Variants in MYO1D observed in about 807,000 individuals in gnomAD.
MYO1D encodes myosin ID, also known as unconventional myosin-Id.
MYO1D carries 83 observed loss-of-function variants against 122.0 expected under a neutral mutation model. The observed-to-expected ratio is 0.68, with a 90% CI of 0.57 to 0.82. The LOEUF (loss-of-function observed/expected upper bound fraction) is 0.82. Ranked by LOEUF, MYO1D falls within the 40% of genes least tolerant of loss-of-function variation. MYO1D has a pLI of 0.00. For missense variants in MYO1D, 1,157 were observed against 1,269.5 expected (o/e 0.91, Z 1.35); for synonymous variants, 464 against 446.9 (o/e 1.04, Z -0.48).
chr17:32,659,415 C>T (rs1010507339), intron 16 of MYO1D, 77 bp from the exon 17 acceptor site: 6 of 1,437,706 alleles, frequency 4.2e-6, no homozygotes, highest in Non-Finnish European at 5.8e-6. Flanking sequence ...ATAGCAGCTC[C>T]TCTACTTACA....
intron 1 of MYO1D, among the ~76,000 whole-genome samples, chr17:32,832,570 T>C (rs2151067250): frequency 6.6e-6 from 1 of 152,262 alleles, no homozygotes; most frequent in Non-Finnish European, 1.5e-5. Flanking sequence ...AGTGCTGGGA[T>C]TACAGGTGTG....
At chr17:32,691,532 G>A (rs902072250) in intron 16 of MYO1D, among the ~76,000 whole-genome samples, 7 of 149,778 alleles carry the variant, frequency 4.7e-5, no homozygotes, top group Non-Finnish European at 8.9e-5. Context: ...TCAGCCTCCC[G>A]AGTTGCTGGG....
chr17:32,493,276 T>C lies in MYO1D; in HGVS notation c.*1483A>G, dbSNP rs536969482. The stretch of plus-strand genomic sequence containing the variant: ...TGTTGCAAACTGCACACAGTGCAAT[T>C]TTTGGGAAGCAGGGATGGGGAGTGG... On this transcript the variant is annotated 3_prime_UTR_variant, in exon 22 of 22. Transcript: ENST00000318217. 6.6e-6 allele frequency: 1 copy of C among 152,288 alleles called. No individual in the cohort carries two copies. Among genetic ancestry groups the C allele is most frequent in the East Asian group, 1.9e-4 (1 of 5,164 alleles). 9.4% of individuals were successfully genotyped at this position (152,288 alleles called of 1,614,324 possible).
At chr17:32,518,420 A>G (rs1567874356) in intron 21 of MYO1D, 1 of 152,266 alleles carries the variant, frequency 6.6e-6, no homozygotes, top group Non-Finnish European at 1.5e-5. Context: ...AATCTATCTT[A>G]TTTACTCTCG....
intron 16 of MYO1D, among the ~76,000 whole-genome samples, chr17:32,690,014 C>A (rs914633513): frequency 7.2e-5 from 11 of 152,296 alleles, no homozygotes; most frequent in Admixed American, 5.9e-4. Context: ...GCATAAGCTA[C>A]TGCGCCTGGC....
chr17:32,818,125 C>CAAAAAAAAAAAAAAA (rs58466009), intron 1 of MYO1D, among the ~76,000 whole-genome samples: 5 of 46,006 alleles, frequency 1.1e-4, no homozygotes, highest in Admixed American at 5.0e-4. Context: ...GACTCCGTCT[C>CAAAAAAAAAAAAAAA]AAAAAAAAAA....
chr17:32,783,463 A>G (rs982255533), intron 1 of MYO1D, among the ~76,000 whole-genome samples: 11 of 152,182 alleles, frequency 7.2e-5, no homozygotes, highest in Non-Finnish European at 1.6e-4. Flanking sequence ...CTGAGGCAGA[A>G]GGATCACTTG....
chr17:32,669,927 C>CT (rs1180972631), intron 16 of MYO1D, among the ~76,000 whole-genome samples: 3 of 150,154 alleles, frequency 2.0e-5, no homozygotes, highest in Non-Finnish European at 4.4e-5. Flanking sequence ...GAGTCTCACT[C>CT]TATCACCCAG....
intron 1 of MYO1D, among the ~76,000 whole-genome samples, chr17:32,871,522 AAG>A (rs1257103523): frequency 6.6e-6 from 1 of 152,220 alleles, no homozygotes; most frequent in East Asian, 1.9e-4. Context: ...CCAGTAAGAA[AAG>A]AGAGGGTGAA....
At chr17:32,678,940 T>G (rs2088865817) in intron 16 of MYO1D, among the ~76,000 whole-genome samples, 1 of 149,454 alleles carries the variant, frequency 6.7e-6, no homozygotes, top group Non-Finnish European at 1.5e-5. Flanking sequence ...GACTTTTTAA[T>G]GATTGCCATT....
intron 15 of MYO1D, among the ~76,000 whole-genome samples, chr17:32,719,788 A>G (rs1442422589): frequency 2.0e-5 from 3 of 152,196 alleles, no homozygotes; most frequent in Non-Finnish European, 4.4e-5. Context: ...CAAAATCTAA[A>G]TAGTTTAGTC....
chr17:32,868,616 G>T (rs973269928), intron 1 of MYO1D, among the ~76,000 whole-genome samples: 5 of 152,152 alleles, frequency 3.3e-5, no homozygotes, highest in Non-Finnish European at 5.9e-5. Context: ...GGGAGGTGAG[G>T]CCATTCGGGA....
At chr17:32,838,505 T>C (rs962636818) in intron 1 of MYO1D, among the ~76,000 whole-genome samples, 1 of 152,110 alleles carries the variant, frequency 6.6e-6, no homozygotes, top group African/African-American at 2.4e-5. Context: ...AGTCACTATT[T>C]TTATGGTGCT....
Position 32,721,043 on chromosome 17 carries a change from T to G in MYO1D, c.1893A>C (p.Thr631=). 6.2e-7 allele frequency: 1 copy of G among 1,614,176 alleles called. No homozygotes were observed. ...VRRAGFAFRQ[T]YEKFLHRYKM... ...CTCACCTGTGAAGAAACTTCTCGTA[T>G]GTCTGGCGGAAGGCAAATCCTGCCC... is the stretch of plus-strand genomic sequence containing the variant. The change falls in exon 15 of 22, where the codon ACA becomes ACC. Residue 631 remains threonine (T), a synonymous_variant. Transcript: ENST00000318217.
chr17:32,565,631 A>G (rs2150892779), intron 21 of MYO1D, among the ~76,000 whole-genome samples: 1 of 152,354 alleles, frequency 6.6e-6, no homozygotes, highest in East Asian at 1.9e-4. Flanking sequence ...GGTCATGGCC[A>G]TCAGTAAACA....
At chr17:32,625,800 G>A (rs1466506493) in intron 20 of MYO1D, among the ~76,000 whole-genome samples, 2 of 152,128 alleles carry the variant, frequency 1.3e-5, no homozygotes, top group African/African-American at 4.8e-5. Flanking sequence ...CAAAGTGTTG[G>A]GATTACAGGT....
At chr17:32,561,657 T>A (rs1229120073) in intron 21 of MYO1D, among the ~76,000 whole-genome samples, 1 of 136,506 alleles carries the variant, frequency 7.3e-6, no homozygotes, top group Admixed American at 8.0e-5. Context: ...GCCACTGCAC[T>A]CCAGTCTGGA....
intron 16 of MYO1D, among the ~76,000 whole-genome samples, chr17:32,674,134 C>T (rs376822953): frequency 9.1e-4 from 139 of 152,306 alleles, no homozygotes; most frequent in Non-Finnish European, 1.6e-3. Flanking sequence ...AACGTTCTGA[C>T]GAACAGCTCC....
chr17:32,829,171 G>C (rs1342156399), intron 1 of MYO1D, among the ~76,000 whole-genome samples: 1 of 152,186 alleles, frequency 6.6e-6, no homozygotes, highest in Non-Finnish European at 1.5e-5. Flanking sequence ...TAACAGGGAG[G>C]AGCTAAGAAA....
Sources: allele counts gnomAD v4.1 joint callset (sites outside exome capture counted in the v4.1 genomes callset), GRCh38; gene constraint gnomAD v4.1.1; transcripts MANE v1.5; gene names NCBI Gene and HGNC (gene_info 2026-07-23, HGNC 2026-07-21).